Variants in AIG1 observed in about 807,000 individuals in gnomAD.
The protein encoded by AIG1 is androgen induced 1.
In AIG1, 23 loss-of-function variants were observed where a neutral mutation model predicts 31.4. The observed-to-expected ratio is 0.73, with a 90% CI of 0.53 to 1.04. The LOEUF (loss-of-function observed/expected upper bound fraction) is 1.04, where lower values mean the gene tolerates loss of function less well. Ranked by LOEUF, AIG1 falls within the 50% of genes least tolerant of loss-of-function variation. The pLI is 0.00. For synonymous variants in AIG1, 100 were observed against 110.5 expected (o/e 0.90, Z 0.60); for missense variants, 274 against 295.0 (o/e 0.93, Z 0.52).
intron 4 of AIG1, among the ~76,000 whole-genome samples, chr6:143,314,871 A>G (rs1291881879): frequency 6.6e-6 from 1 of 152,180 alleles, no homozygotes; most frequent in Non-Finnish European, 1.5e-5. Context: ...ATGTGAAAAT[A>G]TAAAAACTGT....
intron 3 of AIG1, among the ~76,000 whole-genome samples, chr6:143,229,525 C>T (rs1793270524): frequency 6.6e-6 from 1 of 152,116 alleles, no homozygotes; most frequent in African/African-American, 2.4e-5. Context: ...TTCCAACTCA[C>T]CAGAACATGT....
In AIG1 at chr6:143,340,617, C is replaced by T. The variant is rs1006591515; in HGVS notation, c.*941C>T. Among the ~76,000 whole-genome samples, 1 of 152,074 alleles carries T rather than the reference C, an allele frequency of 6.6e-6. No homozygotes were observed. The highest frequency in any genetic ancestry group is 2.4e-5 in the African/African-American group (1 of 41,394). On this transcript the variant is annotated 3_prime_UTR_variant, in exon 6 of 6. Transcript: ENST00000357847. ...TAGCTGGGACTACAGGCGCCTGCCACACGCCCGGCTTATTTTTTGTATTTT... is the reference window on the plus strand; with the variant it reads ...TAGCTGGGACTACAGGCGCCTGCCATACGCCCGGCTTATTTTTTGTATTTT...
rs117690162 is a variant in AIG1 at position 143,171,733 on chromosome 6, T to A, written c.399+6550T>A. Among the ~76,000 whole-genome samples the A allele has an allele frequency of 3.2e-3, 487 of 151,224 alleles. 14 individuals carry two copies. The East Asian group carries it at 0.062, about 19-fold the overall frequency. On this transcript the variant is annotated intron_variant, in intron 3 of 5. Transcript: ENST00000357847. ...TCTGTATCAAATGGTAGATCTACTT[T>A]TTGTTATTTTAGGAAACTCCACACT...
At chr6:143,190,137 G>A in intron 3 of AIG1, 2 of 973,090 alleles carry the variant, frequency 2.1e-6, no homozygotes, top group Non-Finnish European at 2.4e-6. Flanking sequence ...TTAGAGGTTA[G>A]GGTTTCAACA....
intron 2 of AIG1, among the ~76,000 whole-genome samples, chr6:143,155,799 A>G (rs1384279778): frequency 6.6e-6 from 1 of 152,198 alleles, no homozygotes; most frequent in Non-Finnish European, 1.5e-5. Flanking sequence ...AGAAACTGGA[A>G]GGGGACTGGG....
At chr6:143,093,106 G>A (rs1017029227) in intron 1 of AIG1, among the ~76,000 whole-genome samples, 2 of 152,054 alleles carry the variant, frequency 1.3e-5, no homozygotes, top group Admixed American at 1.3e-4. Flanking sequence ...TTGAAGCCAG[G>A]CATTGACTTC....
chr6:143,199,729 G>T (rs959517094), intron 3 of AIG1, among the ~76,000 whole-genome samples: 1 of 152,096 alleles, frequency 6.6e-6, no homozygotes, highest in African/African-American at 2.4e-5. Flanking sequence ...GTGATAGAAG[G>T]GATGTAAAAA....
intron 3 of AIG1, among the ~76,000 whole-genome samples, chr6:143,200,938 A>T (rs927931285): frequency 6.6e-6 from 1 of 150,916 alleles, no homozygotes; most frequent in Admixed American, 6.6e-5. Context: ...TATCTCGTGG[A>T]TTTCCCATAG....
chr6:143,261,758 T>A lies in AIG1; in HGVS notation c.400-22352T>A, dbSNP rs531618493. 2.1e-4 allele frequency among the ~76,000 whole-genome samples: 32 copies of A among 152,302 alleles called. No individual in the cohort carries two copies. In the South Asian group the frequency reaches 6.4e-3, roughly 31 times the overall value. On this transcript the variant is annotated intron_variant, in intron 3 of 5. Coordinates refer to ENST00000357847, the MANE Select transcript of AIG1 (RefSeq NM_016108.4). Reference sequence around the variant, plus strand: ...GAAAGTTAGAGGAAACCTCATAAACTTAAAGAGTTACCATTGCTTCACAAG... The same window carrying A: ...GAAAGTTAGAGGAAACCTCATAAACATAAAGAGTTACCATTGCTTCACAAG...
At chr6:143,243,631 A>G (rs1483298227) in intron 3 of AIG1, among the ~76,000 whole-genome samples, 1 of 152,238 alleles carries the variant, frequency 6.6e-6, no homozygotes, top group Non-Finnish European at 1.5e-5. Context: ...ATTTGGCAGT[A>G]GACAGTGGTA....
intron 3 of AIG1, among the ~76,000 whole-genome samples, chr6:143,173,929 A>G (rs1222235179): frequency 6.6e-6 from 1 of 152,136 alleles, no homozygotes; most frequent in Non-Finnish European, 1.5e-5. Context: ...GGTTAAGTCC[A>G]TTGTTTCTCT....
chr6:143,097,599 A>G (rs1168126147), intron 1 of AIG1, among the ~76,000 whole-genome samples: 1 of 152,174 alleles, frequency 6.6e-6, no homozygotes, highest in Non-Finnish European at 1.5e-5. Flanking sequence ...CAGCTACTAC[A>G]CTTACCTAGG....
chr6:143,291,566 A>G lies in AIG1; in HGVS notation c.515+7341A>G, dbSNP rs1170584226. On this transcript the variant is annotated intron_variant, in intron 4 of 5. Coordinates refer to ENST00000357847, the MANE Select transcript of AIG1 (RefSeq NM_016108.4). This position sits in a 1 kb window ranked among gnomAD's most constrained non-coding sequence, Gnocchi z 4.2. ...GCCAATGACAGGGAAAGCCCCTTGC[A>G]TAAGCACAGGCAGTGAAGTCAGAAG... 6.6e-6 allele frequency among the ~76,000 whole-genome samples: 1 copy of G among 152,244 alleles called. No homozygotes were observed. Among genetic ancestry groups the G allele is most frequent in the Non-Finnish European group, 1.5e-5 (1 of 68,046 alleles).
intron 4 of AIG1, among the ~76,000 whole-genome samples, chr6:143,332,607 G>A (rs1562601127): frequency 6.6e-6 from 1 of 152,232 alleles, no homozygotes. Flanking sequence ...ATGAGTGTTG[G>A]TGTCTAGTTG....
At chr6:143,073,134 T>C (rs1777443705) in intron 1 of AIG1, among the ~76,000 whole-genome samples, 4 of 152,242 alleles carry the variant, frequency 2.6e-5, no homozygotes, top group Non-Finnish European at 1.5e-5. Flanking sequence ...ATGCAATATT[T>C]TTCTTTCTCT....
intron 3 of AIG1, among the ~76,000 whole-genome samples, chr6:143,278,920 C>T (rs1797150252): frequency 6.6e-6 from 1 of 150,796 alleles, no homozygotes; most frequent in Non-Finnish European, 1.5e-5. Context: ...AATGATATTC[C>T]ATTTATGAGA....
rs919304299 is a variant in AIG1 at position 143,280,374 on chromosome 6, C to T, written c.400-3736C>T. Among the ~76,000 whole-genome samples, 9 of 152,142 alleles carry T rather than the reference C, an allele frequency of 5.9e-5. No homozygotes were observed. The highest frequency in any genetic ancestry group is 1.9e-4 in the East Asian group (1 of 5,194). On this transcript the variant is annotated intron_variant, in intron 3 of 5. Transcript: ENST00000357847. The surrounding 1 kb of genome is among the most constrained non-coding windows in gnomAD (Gnocchi z 4.1). ...GACCCAGCAATCCCATCACTGGGTA[C>T]GTGCCCAGAAGAATAGAAATCATTC... is the stretch of plus-strand genomic sequence containing the variant.
At chr6:143,189,291 G>A (rs1163296232) in intron 3 of AIG1, 2 of 575,942 alleles carry the variant, frequency 3.5e-6, no homozygotes, top group Non-Finnish European at 4.4e-6. Context: ...ATGTTTCCCA[G>A]GCTGGTCTCG....
In AIG1 at chr6:143,331,827, G is replaced by C. The variant is rs1476254269; in HGVS notation, c.516-1455G>C. On this transcript the variant is annotated intron_variant, in intron 4 of 5. Transcript: ENST00000357847. This position sits in a 1 kb window ranked among gnomAD's most constrained non-coding sequence, Gnocchi z 4.1. The stretch of plus-strand genomic sequence containing the variant: ...TCCCCAGGTTTCCTGCCAAAAATGA[G>C]GTACATGTGTAGGTAATGTTTATTA... 6.7e-6 allele frequency among the ~76,000 whole-genome samples: 1 copy of C among 148,830 alleles called. No individual in the cohort carries two copies. The highest frequency in any genetic ancestry group is 2.5e-5 in the African/African-American group (1 of 40,414).
Sources: allele counts gnomAD v4.1 joint callset (sites outside exome capture counted in the v4.1 genomes callset), GRCh38; gene constraint gnomAD v4.1.1; non-coding constraint Gnocchi (gnomAD v3.1); transcripts MANE v1.5; gene names NCBI Gene and HGNC (gene_info 2026-07-23, HGNC 2026-07-21).